The following GALNT1 variants were observed in gnomAD, a reference collection of about 807,000 sequenced individuals.
GALNT1 encodes the protein GalNAc transferase 1.
Under a neutral mutation model 65.7 loss-of-function variants are expected in GALNT1, and 17 were observed. That is an observed-to-expected ratio of 0.26 (90% CI 0.18 to 0.39). GALNT1 has a LOEUF of 0.39. GALNT1 is among the 10% of genes least tolerant of loss of function. The pLI, the probability that GALNT1 is intolerant of heterozygous loss-of-function variation, is 1.00. For synonymous variants in GALNT1, 210 were observed against 219.7 expected (o/e 0.96, Z 0.39); for missense variants, 460 against 672.8 (o/e 0.68, Z 3.50).
intron 1 of GALNT1, among the ~76,000 whole-genome samples, chr18:35,638,240 G>A (rs75876708): frequency 1.5e-3 from 228 of 152,240 alleles, no homozygotes; most frequent in African/African-American, 5.1e-3. Context: ...CACAGACCCC[G>A]ACCAAGCGAT....
intron 9 of GALNT1, among the ~76,000 whole-genome samples, chr18:35,692,943 C>T (rs1298841262): frequency 3.3e-5 from 5 of 152,254 alleles, no homozygotes; most frequent in African/African-American, 1.2e-4. Context: ...TATTTGAGTA[C>T]CTCTAGTATA....
intron 1 of GALNT1, among the ~76,000 whole-genome samples, chr18:35,622,027 G>T (rs1251040705): frequency 6.6e-6 from 1 of 152,050 alleles, no homozygotes; most frequent in Non-Finnish European, 1.5e-5. Context: ...GTTTAAAATT[G>T]TAATGGCTTT....
Position 35,692,656 on chromosome 18 carries a change from T to TA in GALNT1, c.1299+347dup, listed in dbSNP as rs940985100. 1.4e-3 allele frequency among the ~76,000 whole-genome samples: 207 copies of TA among 144,564 alleles called. 1 individual carries two copies. The highest frequency in any genetic ancestry group is 1.8e-3 in the Non-Finnish European group (117 of 65,526). 94.8% of individuals were successfully genotyped at this position (144,564 alleles called of 152,430 possible). ...GGATCTGTAAAATCTGTATATATAT[T>TA]AAAAAAAAAAAGACTTCTTTGCAGG... On this transcript the variant is annotated intron_variant, in intron 9 of 11. Transcript: ENST00000269195.
upstream of GALNT1, chr18:35,581,633 CGGGGCGCCCGGAGTAGCCGCCGACCCGA>C (rs2046316475): frequency 0.012 from 1 of 82 alleles, no homozygotes; most frequent in Admixed American, 0.083. Context: ...AGCCCGCGAG[CGGGGCGCCCGGAGTAGCCGCCGACCCGA>C]GCCGGGCGCG....
chr18:35,603,048 C>T (rs1365181953), intron 1 of GALNT1, among the ~76,000 whole-genome samples: 1 of 152,206 alleles, frequency 6.6e-6, no homozygotes. Flanking sequence ...TAGATCACTG[C>T]CTCCTTTTTG....
chr18:35,652,476 C>T (rs945370117), intron 1 of GALNT1, among the ~76,000 whole-genome samples: 1 of 152,138 alleles, frequency 6.6e-6, no homozygotes, highest in African/African-American at 2.4e-5. Context: ...CTCTGCCAAC[C>T]CCAGCTGCTG....
At chr18:35,611,153 A>G (rs1263653400) in intron 1 of GALNT1, among the ~76,000 whole-genome samples, 1 of 152,214 alleles carries the variant, frequency 6.6e-6, no homozygotes, top group Non-Finnish European at 1.5e-5. Context: ...ATATCTCCTA[A>G]CAAGTTCCAA....
intron 1 of GALNT1, among the ~76,000 whole-genome samples, chr18:35,609,685 C>T (rs1485087648): frequency 2.0e-5 from 3 of 152,168 alleles, no homozygotes; most frequent in Non-Finnish European, 4.4e-5. Context: ...ATGGGCACAA[C>T]ATTTCATCAG....
chr18:35,670,001 G>A (rs1413945743), intron 3 of GALNT1, among the ~76,000 whole-genome samples: 1 of 152,190 alleles, frequency 6.6e-6, no homozygotes, highest in African/African-American at 2.4e-5. Context: ...ATAAAAAAGT[G>A]TTTAGAGACC....
chr18:35,586,573 T>C (rs2046380640), intron 1 of GALNT1, among the ~76,000 whole-genome samples: 1 of 152,098 alleles, frequency 6.6e-6, no homozygotes, highest in Admixed American at 6.6e-5. Context: ...TTTTACATGA[T>C]CCAGTTTATG....
intron 9 of GALNT1, among the ~76,000 whole-genome samples, chr18:35,698,937 G>A (rs1037881127): frequency 7.9e-5 from 12 of 152,086 alleles, no homozygotes; most frequent in South Asian, 2.1e-4. Flanking sequence ...AGCCGATGTC[G>A]CACCATTGCA....
chr18:35,586,721 A>G (rs975410828), intron 1 of GALNT1, among the ~76,000 whole-genome samples: 4 of 152,224 alleles, frequency 2.6e-5, no homozygotes, highest in Non-Finnish European at 4.4e-5. Context: ...ATCTTTGTAA[A>G]AAAGCATTTG....
intron 1 of GALNT1, among the ~76,000 whole-genome samples, chr18:35,646,182 G>A (rs2047228618): frequency 6.6e-6 from 1 of 152,054 alleles, no homozygotes; most frequent in African/African-American, 2.4e-5. Flanking sequence ...AAAGAGGTGG[G>A]GGAAGTGCCA....
chr18:35,642,875 G>T (rs1304067544), intron 1 of GALNT1, among the ~76,000 whole-genome samples: 7 of 152,148 alleles, frequency 4.6e-5, no homozygotes, highest in African/African-American at 1.4e-4. Flanking sequence ...CAGGGACTTG[G>T]TCACTGTCAG....
At chr18:35,628,162 G>A (rs1193689107) in intron 1 of GALNT1, among the ~76,000 whole-genome samples, 1 of 152,208 alleles carries the variant, frequency 6.6e-6, no homozygotes, top group Admixed American at 6.5e-5. Flanking sequence ...CCGAACAAAA[G>A]GCAGCAGAAA....
chr18:35,643,771 C>G (rs2047195493), intron 1 of GALNT1, among the ~76,000 whole-genome samples: 2 of 149,162 alleles, frequency 1.3e-5, no homozygotes, highest in Admixed American at 6.7e-5. Flanking sequence ...ACACTCCAGC[C>G]TGGGCAACAG....
At chr18:35,682,834 G>A (rs974740871) in intron 4 of GALNT1, among the ~76,000 whole-genome samples, 1 of 147,534 alleles carries the variant, frequency 6.8e-6, no homozygotes, top group African/African-American at 2.5e-5. Context: ...TCAGTTTAAG[G>A]ATCTCTATTT....
chr18:35,704,882 G>A (rs552845541), intron 11 of GALNT1, among the ~76,000 whole-genome samples: 64 of 152,088 alleles, frequency 4.2e-4, no homozygotes, highest in African/African-American at 1.4e-3. Context: ...GACCTCAGGT[G>A]ATCTGCCCAC....
intron 1 of GALNT1, among the ~76,000 whole-genome samples, chr18:35,618,449 C>T (rs962598828): frequency 2.0e-5 from 3 of 151,980 alleles, no homozygotes; most frequent in Non-Finnish European, 4.4e-5. Flanking sequence ...GGAGAAATGA[C>T]ATCTGCAAAA....
Sources: allele counts gnomAD v4.1 joint callset (sites outside exome capture counted in the v4.1 genomes callset), GRCh38; gene constraint gnomAD v4.1.1; transcripts MANE v1.5; gene names NCBI Gene and HGNC (gene_info 2026-07-23, HGNC 2026-07-21).